Variants in PTGER4 observed in about 807,000 individuals in gnomAD.
The protein encoded by PTGER4 is prostaglandin E2 receptor EP4 subtype.
PTGER4 carries 11 observed loss-of-function variants against 33.2 expected under a neutral mutation model. The ratio of observed to expected loss-of-function variants is 0.33; its 90% CI spans 0.21 to 0.55. The LOEUF (loss-of-function observed/expected upper bound fraction) is 0.55. PTGER4 is among the 20% of genes least tolerant of loss of function. The pLI is 0.92. For synonymous variants in PTGER4, 275 were observed against 281.5 expected (o/e 0.98, Z 0.23); for missense variants, 481 against 650.2 (o/e 0.74, Z 2.83).
the PTGER4 span, among the ~76,000 whole-genome samples, chr5:40,705,813 C>CAA: frequency 6.6e-6 from 1 of 152,042 alleles, no homozygotes; most frequent in Admixed American, 6.6e-5. Context: ...ATAAGAAAGT[C>CAA]AAAAAATAAC....
At chr5:40,727,292 T>C in the PTGER4 span, among the ~76,000 whole-genome samples, 1 of 152,240 alleles carries the variant, frequency 6.6e-6, no homozygotes, top group Non-Finnish European at 1.5e-5. Context: ...TTTAAAATCT[T>C]AATTTACTTA....
At chr5:40,722,723 C>T in the PTGER4 span, among the ~76,000 whole-genome samples, 3 of 151,342 alleles carry the variant, frequency 2.0e-5, no homozygotes, top group Admixed American at 2.0e-4. Context: ...GCGCCCCGTC[C>T]GGGAGGTGGC....
chr5:40,743,618 C>A, the PTGER4 span, among the ~76,000 whole-genome samples: 1 of 151,354 alleles, frequency 6.6e-6, no homozygotes, highest in Non-Finnish European at 1.5e-5. Context: ...ACTAAGAATA[C>A]AAAAATTAGC....
At chr5:40,705,428 G>A in the PTGER4 span, among the ~76,000 whole-genome samples, 1 of 152,150 alleles carries the variant, frequency 6.6e-6, no homozygotes, top group African/African-American at 2.4e-5. Context: ...AAGATTTCAT[G>A]ACAAAGACAC....
chr5:40,734,049 G>A, the PTGER4 span, among the ~76,000 whole-genome samples: 1 of 152,176 alleles, frequency 6.6e-6, no homozygotes, highest in Non-Finnish European at 1.5e-5. Flanking sequence ...GTGCTTTGTT[G>A]CCAACGAGGC....
downstream of PTGER4, among the ~76,000 whole-genome samples, chr5:40,694,073 C>T (rs1447473349): frequency 6.6e-6 from 1 of 151,894 alleles, no homozygotes; most frequent in Non-Finnish European, 1.5e-5. Context: ...ATTTTTGAGA[C>T]AGAGTCTTGC....
rs964558175 is a variant in PTGER4, at chr5:40,692,578, G to C, written c.*200G>C. 18 of 1,365,848 alleles carry C rather than the reference G, an allele frequency of 1.3e-5. No individual in the cohort carries two copies. Among genetic ancestry groups the C allele is most frequent in the Middle Eastern group, 5.4e-4 (2 of 3,682 alleles). The allele number at this position is 1,365,848 out of a possible 1,614,324, so 84.6% of individuals were successfully genotyped here. ...TCCTGAGGCCTGCAGCACGTCGGAT[G>C]CTACCCCACTATGACAGAGGATTGT... On this transcript the variant is annotated 3_prime_UTR_variant, in exon 3 of 3. Coordinates refer to ENST00000302472, the MANE Select transcript of PTGER4 (RefSeq NM_000958.3).
At chr5:40,684,911 G>A (rs973999794) in intron 2 of PTGER4, among the ~76,000 whole-genome samples, 15 of 152,204 alleles carry the variant, frequency 9.9e-5, no homozygotes, top group East Asian at 5.8e-4. Flanking sequence ...TAAGATAAAC[G>A]AAAAGGATTG....
chr5:40,681,912 C>T lies in PTGER4; in HGVS notation c.867+52C>T. 1 of 1,471,226 alleles carries T rather than the reference C, an allele frequency of 6.8e-7. No homozygotes were observed. The highest frequency in any genetic ancestry group is 1.4e-5 in the South Asian group (1 of 70,632). The allele number at this position is 1,471,226 out of a possible 1,614,324, so 91.1% of individuals were successfully genotyped here. On this transcript the variant is annotated intron_variant, in intron 2 of 2. Coordinates refer to ENST00000302472, the MANE Select transcript of PTGER4 (RefSeq NM_000958.3). The surrounding 1 kb of genome is among the most constrained non-coding windows in gnomAD (Gnocchi z 9.8). Reference sequence around the variant, plus strand: ...TCGGCCTTTTTCTCGCATCCACCTCCCGCGTCCATTCCCCGCTCCCTGCTT... The same window carrying T: ...TCGGCCTTTTTCTCGCATCCACCTCTCGCGTCCATTCCCCGCTCCCTGCTT...
At chr5:40,735,329 C>G in the PTGER4 span, among the ~76,000 whole-genome samples, 1 of 151,772 alleles carries the variant, frequency 6.6e-6, no homozygotes, top group Non-Finnish European at 1.5e-5. Context: ...TATGAGACAA[C>G]CAAAGTAATT....
chr5:40,699,424 A>C, the PTGER4 span, among the ~76,000 whole-genome samples: 4 of 152,176 alleles, frequency 2.6e-5, no homozygotes, highest in African/African-American at 7.2e-5. Context: ...AGCTCTTTTA[A>C]ACATTATAGA....
At chr5:40,690,565 A>G (rs1002601219) in intron 2 of PTGER4, among the ~76,000 whole-genome samples, 1 of 152,218 alleles carries the variant, frequency 6.6e-6, no homozygotes, top group Non-Finnish European at 1.5e-5. Context: ...CGTTGTGATT[A>G]CTATAACTGG....
At chr5:40,690,284 G>A (rs1367846247) in intron 2 of PTGER4, among the ~76,000 whole-genome samples, 2 of 152,146 alleles carry the variant, frequency 1.3e-5, no homozygotes, top group South Asian at 2.1e-4. Flanking sequence ...AGGCTGCAGT[G>A]AGCAATGATT....
chr5:40,688,553 A>G (rs548940114), intron 2 of PTGER4, among the ~76,000 whole-genome samples: 3 of 152,342 alleles, frequency 2.0e-5, no homozygotes, highest in African/African-American at 7.2e-5. Flanking sequence ...AGAACAGAAA[A>G]GGCAACATGG....
the PTGER4 span, among the ~76,000 whole-genome samples, chr5:40,744,513 A>C: frequency 2.0e-5 from 3 of 149,684 alleles, no homozygotes; most frequent in African/African-American, 7.4e-5. Context: ...TTTAAGGAAC[A>C]AAGAAAAAAG....
chr5:40,728,711 C>T, the PTGER4 span, among the ~76,000 whole-genome samples: 1 of 152,106 alleles, frequency 6.6e-6, no homozygotes, highest in African/African-American at 2.4e-5. Flanking sequence ...TTATGTCCAT[C>T]TGGTCAAAAC....
At chr5:40,734,726 G>C in the PTGER4 span, among the ~76,000 whole-genome samples, 6 of 152,090 alleles carry the variant, frequency 3.9e-5, no homozygotes, top group Admixed American at 3.9e-4. Context: ...ACCTACCCTG[G>C]GACAGGTAGA....
At chr5:40,728,816 C>A in the PTGER4 span, among the ~76,000 whole-genome samples, 1 of 152,168 alleles carries the variant, frequency 6.6e-6, no homozygotes, top group Non-Finnish European at 1.5e-5. Context: ...TTTCAGGGAA[C>A]CCCAGGTATT....
At chr5:40,733,938 AGATTT>A in the PTGER4 span, among the ~76,000 whole-genome samples, 2 of 152,372 alleles carry the variant, frequency 1.3e-5, no homozygotes, top group South Asian at 4.1e-4. Context: ...ACAGGCTTAC[AGATTT>A]GAGAAAAAAG....
Sources: allele counts gnomAD v4.1 joint callset (sites outside exome capture counted in the v4.1 genomes callset), GRCh38; gene constraint gnomAD v4.1.1; non-coding constraint Gnocchi (gnomAD v3.1); transcripts MANE v1.5; gene names NCBI Gene and HGNC (gene_info 2026-07-23, HGNC 2026-07-21).